The following APOLD1 variants were observed in gnomAD, a reference collection of about 807,000 sequenced individuals.
APOLD1 encodes the protein apolipoprotein L domain-containing protein 1.
APOLD1 carries 22 observed loss-of-function variants against 15.3 expected under a neutral mutation model. The observed-to-expected ratio is 1.44, with a 90% CI of 1.03 to 2.05. APOLD1 has a LOEUF of 2.05. Among genes scored for constraint, APOLD1 ranks in the 30% most tolerant of loss-of-function variants. APOLD1 has a pLI of 0.00. For synonymous variants in APOLD1, 190 were observed against 167.4 expected, an observed-to-expected ratio of 1.13 and a Z score of -1.04; for missense variants, 394 against 353.5, an observed-to-expected ratio of 1.11 and a Z score of -0.92.
At chr12:12,782,391 C>G (rs964738546), upstream of APOLD1, among the ~76,000 whole-genome samples, 6 of 152,228 alleles carry the variant, frequency 3.9e-5, no homozygotes, top group African/African-American at 1.2e-4. Flanking sequence ...GAATTAGACT[C>G]TCCAGGGCTG....
rs1021214012 is a variant in APOLD1, at chr12:12,790,465, A to G, written c.*2813A>G. 5.9e-5 allele frequency: 9 copies of G among 152,232 alleles called. No individual in the cohort carries two copies. The highest frequency in any genetic ancestry group is 9.6e-5 in the African/African-American group (4 of 41,468). 9.4% of individuals were successfully genotyped at this position (152,232 alleles called of 1,614,324 possible). ...ATCTTTTATTAATGCTTAAGTTTAA[A>G]TTATATTCTTCCAATGCCTAAGCTA... is the stretch of plus-strand genomic sequence containing the variant. On this transcript the variant is annotated 3_prime_UTR_variant, in exon 2 of 2. Coordinates refer to ENST00000356591, the MANE Select transcript of APOLD1 (RefSeq NM_030817.3).
At position 12,787,059 on chromosome 12, in the gene APOLD1, T is replaced by TC; in HGVS notation, c.157dup (p.Leu53ProfsTer139). The TC allele has an allele frequency of 7.3e-7, 1 of 1,375,942 alleles. No individual in the cohort carries two copies. Among genetic ancestry groups the TC allele is most frequent in the Non-Finnish European group, 9.3e-7 (1 of 1,075,330 alleles). The allele number at this position is 1,375,942 out of a possible 1,614,324, so 85.2% of individuals were successfully genotyped here. ...GCGCCTGGAGCGCCTGCGCAGGCGC[T>TC]CCCTCGTAGCCAACGTGGCCGGCAG... On this transcript the variant is annotated frameshift_variant, in exon 2 of 2. Coordinates refer to ENST00000356591, the MANE Select transcript of APOLD1 (RefSeq NM_030817.3). LOFTEE classifies it high-confidence loss of function. This position sits in a 1 kb window ranked among gnomAD's most constrained non-coding sequence, Gnocchi z 4.9.
At chr12:12,783,077 A>G (rs1947096623), upstream of APOLD1, among the ~76,000 whole-genome samples, 1 of 151,750 alleles carries the variant, frequency 6.6e-6, no homozygotes, top group Non-Finnish European at 1.5e-5. Flanking sequence ...GTAGTGGTGC[A>G]CGCCTGTAAT....
intron 1 of APOLD1, among the ~76,000 whole-genome samples, chr12:12,735,029 G>T (rs1287206240): frequency 2.6e-5 from 4 of 152,152 alleles, no homozygotes; most frequent in African/African-American, 9.7e-5. Flanking sequence ...GAGGAAGCAA[G>T]CAGGGGCTAA....
chr12:12,764,600 A>G (rs757058248), intron 1 of APOLD1: 2 of 371,752 alleles, frequency 5.4e-6, no homozygotes, highest in Non-Finnish European at 1.1e-5. Flanking sequence ...TAATTTTTAT[A>G]ATATATTTTC....
intron 1 of APOLD1, among the ~76,000 whole-genome samples, chr12:12,764,124 G>A (rs917489182): frequency 1.3e-5 from 2 of 152,104 alleles, no homozygotes; most frequent in African/African-American, 2.4e-5. Context: ...CACCATGTCC[G>A]GCTAATTTTT....
chr12:12,763,076 G>A (rs1278890939), intron 1 of APOLD1, among the ~76,000 whole-genome samples: 1 of 152,016 alleles, frequency 6.6e-6, no homozygotes, highest in Non-Finnish European at 1.5e-5. Flanking sequence ...AGGCTGCAGT[G>A]AGTCATGATT....
chr12:12,726,156 C>CAA (rs745785485), intron 1 of APOLD1: 14,113 of 109,708 alleles, frequency 0.13, 535 homozygotes, highest in African/African-American at 0.2. Flanking sequence ...TCTTCGCAAC[C>CAA]AAAAAAAAAA....
Position 12,787,640 on chromosome 12 carries a change from G to A in APOLD1, c.735G>A (p.Gly245=), listed in dbSNP as rs34607910. Residue 245 remains glycine, a synonymous_variant, in exon 2 of 2, where the codon GGG becomes GGA. Transcript: ENST00000356591. This position sits in a 1 kb window ranked among gnomAD's most constrained non-coding sequence, Gnocchi z 4.9. ...AGATCTCTGCTGACCAGCGTGCAGG[G>A]CTGTTTTTCTGAGAACATCCTTTCC... ...DLKISADQRA[G]LFF 7,155 of 1,592,504 alleles carry A rather than the reference G, an allele frequency of 4.5e-3. 272 individuals are homozygous for A. The African/African-American group carries it at 0.083, about 19-fold the overall frequency.
chr12:12,750,483 C>G (rs968041236), intron 1 of APOLD1, among the ~76,000 whole-genome samples: 3 of 149,508 alleles, frequency 2.0e-5, no homozygotes, highest in African/African-American at 7.4e-5. Flanking sequence ...TTTCTTTTAT[C>G]TTTAATGTCT....
At chr12:12,728,682 A>AAAG (rs1324312752) in intron 1 of APOLD1, among the ~76,000 whole-genome samples, 7 of 143,340 alleles carry the variant, frequency 4.9e-5, no homozygotes, top group Admixed American at 2.1e-4. Flanking sequence ...AAAAAAAAAA[A>AAAG]AAAAAAAAAG....
rs367777851 is a variant in APOLD1, at chr12:12,785,685, G to A, written c.-7G>A. On this transcript the variant is annotated 5_prime_UTR_variant, in exon 1 of 2. Transcript: ENST00000356591. The stretch of plus-strand genomic sequence containing the variant: ...GATTTTACTTTCCTGGAGGCAGACA[G>A]AAGTGAATGGTAAGTGGGGAACCCT... 5 of 1,614,018 alleles carry A rather than the reference G, an allele frequency of 3.1e-6. No individual in the cohort carries two copies. The African/African-American group carries it at 6.7e-5, about 22-fold the overall frequency.
At chr12:12,759,636 C>T (rs1162035826) in intron 1 of APOLD1, among the ~76,000 whole-genome samples, 1 of 152,238 alleles carries the variant, frequency 6.6e-6, no homozygotes, top group African/African-American at 2.4e-5. Context: ...TGAGATATTA[C>T]TCTTCATTCA....
At chr12:12,730,055 TGTGTGTGTGTGTGTGTGTGTGTGAGAGA>T (rs1946625210) in intron 1 of APOLD1, among the ~76,000 whole-genome samples, 1 of 105,464 alleles carries the variant, frequency 9.5e-6, no homozygotes, top group South Asian at 3.1e-4. Flanking sequence ...TGTGTGTGTG[TGTGTGTGTGTGTGTGTGTGTGTGAGAGA>T]GAGAGAGAGA....
intron 1 of APOLD1, among the ~76,000 whole-genome samples, chr12:12,735,522 G>T (rs1315525259): frequency 6.6e-6 from 1 of 152,146 alleles, no homozygotes; most frequent in East Asian, 1.9e-4. Flanking sequence ...TGGCTGGGGG[G>T]CAGTGAGCCA....
At chr12:12,728,665 C>CAAAAAAAAAAAAAAAAA (rs58877184) in intron 1 of APOLD1, among the ~76,000 whole-genome samples, 1 of 62,872 alleles carries the variant, frequency 1.6e-5, no homozygotes, top group African/African-American at 8.9e-5. Context: ...GACCCTGTCT[C>CAAAAAAAAAAAAAAAAA]AAAAAAAAAA....
At chr12:12,763,668 G>A (rs1047113997) in intron 1 of APOLD1, among the ~76,000 whole-genome samples, 8 of 152,170 alleles carry the variant, frequency 5.3e-5, no homozygotes, top group African/African-American at 1.9e-4. Flanking sequence ...ATATGCAAAC[G>A]CTATACCATT....
At chr12:12,747,118 T>C (rs1946772268) in intron 1 of APOLD1, among the ~76,000 whole-genome samples, 1 of 152,110 alleles carries the variant, frequency 6.6e-6, no homozygotes, top group South Asian at 2.1e-4. Flanking sequence ...ATAATACATA[T>C]ATATTTTTTT....
intron 1 of APOLD1, among the ~76,000 whole-genome samples, chr12:12,768,862 G>A (rs1271395253): frequency 1.3e-5 from 2 of 150,982 alleles, no homozygotes; most frequent in African/African-American, 4.9e-5. Context: ...GACTTTTAAA[G>A]TGCTACATTT....
Sources: allele counts gnomAD v4.1 joint callset (sites outside exome capture counted in the v4.1 genomes callset), GRCh38; gene constraint gnomAD v4.1.1; non-coding constraint Gnocchi (gnomAD v3.1); transcripts MANE v1.5; gene names NCBI Gene and HGNC (gene_info 2026-07-23, HGNC 2026-07-21).